The following FBXO33 variants were observed in gnomAD, a reference collection of about 807,000 sequenced individuals.
The protein encoded by FBXO33 is F-box protein 33.
A neutral mutation model predicts 46.3 loss-of-function variants in FBXO33; 22 were observed. The observed-to-expected ratio is 0.48, with a 90% CI of 0.34 to 0.68. The LOEUF (loss-of-function observed/expected upper bound fraction) is 0.68. Among genes scored for constraint, FBXO33 ranks in the 30% least tolerant of loss-of-function variants. The probability of loss-of-function intolerance (pLI) is 0.01; values close to 1 mark genes in which losing one functional copy is unlikely to be tolerated. For missense variants in FBXO33, 692 were observed against 708.8 expected (o/e 0.98, Z 0.27); for synonymous variants, 337 against 291.3 (o/e 1.16, Z -1.60).
rs2075562360 is a variant in FBXO33, at chr14:39,432,055, T to TCGCAGCTGCTGCAGCCGCAGCCGC, written c.84_107dup (p.Leu32_Arg39dup). The TCGCAGCTGCTGCAGCCGCAGCCGC allele has an allele frequency of 7.4e-6, 9 of 1,220,962 alleles. No homozygotes were observed. The highest frequency in any genetic ancestry group is 6.4e-5 in the East Asian group (2 of 31,278). The allele number at this position is 1,220,962 out of a possible 1,614,324, so 75.6% of individuals were successfully genotyped here. A position where few individuals can be genotyped will look rare whatever the true frequency, so the allele number is the denominator to read the frequency against. ...GTACCCGGAGCAGCCCCCGCAGCCG[T>TCGCAGCTGCTGCAGCCGCAGCCGC]CGCAGCTGCTGCAGCCGCAGCCGCC... is the stretch of plus-strand genomic sequence containing the variant. On this transcript the variant is annotated inframe_insertion, in exon 1 of 4. Coordinates refer to ENST00000298097, the MANE Select transcript of FBXO33 (RefSeq NM_203301.4).
chr14:39,419,022 A>G (rs76545318), intron 1 of FBXO33, among the ~76,000 whole-genome samples: 5,043 of 152,290 alleles, frequency 0.033, 288 homozygotes, highest in African/African-American at 0.11. Flanking sequence ...TGAGAGATAT[A>G]CTTTTAAAGC....
At position 39,431,561 on chromosome 14, in the gene FBXO33, T is replaced by C. The variant is rs532374326; in HGVS notation, c.599+3A>G. On this transcript the variant is annotated splice_donor_region_variant and intron_variant, in intron 1 of 3. Coordinates refer to ENST00000298097, the MANE Select transcript of FBXO33 (RefSeq NM_203301.4). ...GGCGGGGCGGGGCTCAGGGCAAGCC[T>C]ACCTGTTGTTCCGGATGCTGACCAG... The C allele has an allele frequency of 6.2e-7, 1 of 1,611,484 alleles. No homozygotes were observed. The highest frequency in any genetic ancestry group is 8.5e-7 in the Non-Finnish European group (1 of 1,179,982).
At chr14:39,401,155 A>T (rs747191251) in intron 3 of FBXO33, 21 bp downstream of exon 3, 32 of 1,550,752 alleles carry the variant, frequency 2.1e-5, no homozygotes, top group Non-Finnish European at 1.7e-6. Flanking sequence ...GTATCAGATT[A>T]CAATGAACAA....
Position 39,413,072 on chromosome 14 carries a change from T to G in FBXO33, c.600-10561A>C, listed in dbSNP as rs534147973. 1.5e-3 allele frequency among the ~76,000 whole-genome samples: 227 copies of G among 152,354 alleles called. 1 individual carries two copies. Among genetic ancestry groups the G allele is most frequent in the African/African-American group, 4.9e-3 (205 of 41,590 alleles). ...TCTGTTGACTTCCTTTCATGAAAGATTTCTCTGTAGCATGCTATGCTGCTT... is the reference window on the plus strand; with the variant it reads ...TCTGTTGACTTCCTTTCATGAAAGAGTTCTCTGTAGCATGCTATGCTGCTT... On this transcript the variant is annotated intron_variant, in intron 1 of 3. Coordinates refer to ENST00000298097, the MANE Select transcript of FBXO33 (RefSeq NM_203301.4).
At chr14:39,412,327 G>T (rs551328598) in intron 1 of FBXO33, among the ~76,000 whole-genome samples, 1 of 152,110 alleles carries the variant, frequency 6.6e-6, no homozygotes, top group Non-Finnish European at 1.5e-5. Flanking sequence ...TCTTGTGTCA[G>T]TTTTTGACTT....
At chr14:39,408,493 T>C (rs1216543632) in intron 1 of FBXO33, among the ~76,000 whole-genome samples, 3 of 151,906 alleles carry the variant, frequency 2.0e-5, no homozygotes, top group African/African-American at 7.3e-5. Context: ...TGATAGATGG[T>C]TTGCTAATAT....
At chr14:39,431,306 G>A (rs1229357659) in intron 1 of FBXO33, among the ~76,000 whole-genome samples, 2 of 152,160 alleles carry the variant, frequency 1.3e-5, no homozygotes, top group South Asian at 2.1e-4. Context: ...GCCACCAAGA[G>A]GATGAATGAG....
intron 1 of FBXO33, among the ~76,000 whole-genome samples, chr14:39,428,894 T>C (rs910523555): frequency 1.1e-4 from 16 of 152,224 alleles, no homozygotes; most frequent in Non-Finnish European, 2.9e-5. Flanking sequence ...CCCTCTGTTC[T>C]TACTATTAAT....
chr14:39,415,651 G>GTTA (rs1405926757), intron 1 of FBXO33, among the ~76,000 whole-genome samples: 1 of 152,132 alleles, frequency 6.6e-6, no homozygotes, highest in Non-Finnish European at 1.5e-5. Flanking sequence ...AATTATTGGA[G>GTTA]TTATTCTTCA....
chr14:39,406,543 G>A (rs72675488), intron 1 of FBXO33, among the ~76,000 whole-genome samples: 6,250 of 152,258 alleles, frequency 0.041, 174 homozygotes, highest in Non-Finnish European at 0.058. Flanking sequence ...AATTGCCTCC[G>A]ATTATGGTCT....
At chr14:39,402,670 T>C (rs1157764366) in intron 1 of FBXO33, among the ~76,000 whole-genome samples, 159 bp from the exon 2 acceptor site, 1 of 148,196 alleles carries the variant, frequency 6.7e-6, no homozygotes, top group African/African-American at 2.5e-5. Context: ...TTTATACATA[T>C]ATTCAGATTT....
intron 3 of FBXO33, among the ~76,000 whole-genome samples, chr14:39,400,620 T>G (rs755809697): frequency 2.0e-5 from 3 of 152,224 alleles, no homozygotes; most frequent in African/African-American, 7.2e-5. Context: ...GACATTCTTA[T>G]AGACTACTTT....
chr14:39,408,672 C>T (rs2075409331), intron 1 of FBXO33, among the ~76,000 whole-genome samples: 1 of 108,290 alleles, frequency 9.2e-6, no homozygotes, highest in Non-Finnish European at 2.3e-5. Flanking sequence ...ACCACCATGC[C>T]TATTTTTTTT....
intron 1 of FBXO33, among the ~76,000 whole-genome samples, chr14:39,407,222 T>C (rs2075403088): frequency 6.6e-6 from 1 of 152,156 alleles, no homozygotes; most frequent in Admixed American, 6.5e-5. Context: ...GAAGTATCAG[T>C]CCTATACACT....
At position 39,432,168 on chromosome 14, in the gene FBXO33, A is replaced by T; in HGVS notation, c.-6T>A. 11 of 1,230,490 alleles carry T rather than the reference A, an allele frequency of 8.9e-6. No homozygotes were observed. Among genetic ancestry groups the T allele is most frequent in the African/African-American group, 1.6e-5 (1 of 64,218 alleles). 76.2% of individuals were successfully genotyped at this position (1,230,490 alleles called of 1,614,324 possible). Reference sequence around the variant, plus strand: ...ACTGACAAGAACAACAACATCAATGACTAGGAAGAAGGGGGCGGAACCGTC... The same window carrying T: ...ACTGACAAGAACAACAACATCAATGTCTAGGAAGAAGGGGGCGGAACCGTC... On this transcript the variant is annotated 5_prime_UTR_variant, in exon 1 of 4. Transcript: ENST00000298097.
At chr14:39,421,842 C>A (rs2075486500) in intron 1 of FBXO33, among the ~76,000 whole-genome samples, 1 of 149,902 alleles carries the variant, frequency 6.7e-6, no homozygotes, top group South Asian at 2.1e-4. Flanking sequence ...GTAAGAATAA[C>A]CAAAAAGGGG....
chr14:39,403,865 G>T (rs2075380361), intron 1 of FBXO33, among the ~76,000 whole-genome samples: 1 of 149,598 alleles, frequency 6.7e-6, no homozygotes, highest in Non-Finnish European at 1.5e-5. Flanking sequence ...GCAGTGGTAT[G>T]ATCACGGCTC....
chr14:39,408,044 G>A (rs2075406947), intron 1 of FBXO33, among the ~76,000 whole-genome samples: 1 of 151,984 alleles, frequency 6.6e-6, no homozygotes, highest in Admixed American at 6.5e-5. Flanking sequence ...AGGCTCAGGC[G>A]ATTCTCTCAC....
chr14:39,401,304 G>C lies in FBXO33; in HGVS notation c.1268C>G (p.Thr423Ser). Reference sequence around the variant, plus strand: ...CACATCATTCATTAAAATAAAATGAGTGAGGAACTTGTCATATTGCCTGGA... The same window carrying C: ...CACATCATTCATTAAAATAAAATGACTGAGGAACTTGTCATATTGCCTGGA... ...LISRQYDKFL[T>S]HFILMNDVID... The change falls in exon 3 of 4, where the codon ACT becomes AGT. Residue 423 changes from threonine to serine, a missense_variant. By Grantham distance (58) the Thr-to-Ser change is moderately conservative. Around this residue, in one of 3 missense-constraint regions of FBXO33, gnomAD observed 186 missense variants for 246.1 expected, o/e 0.76. Transcript: ENST00000298097. 3 of 1,614,040 alleles carry C rather than the reference G, an allele frequency of 1.9e-6. No individual in the cohort carries two copies. The highest frequency in any genetic ancestry group is 1.7e-6 in the Non-Finnish European group (2 of 1,179,950).
Sources: gnomAD v4.1 joint callset for allele counts (sites outside exome capture counted in the v4.1 genomes callset) on GRCh38, gnomAD v4.1.1 for gene constraint, gnomAD v4.1.1 regional missense constraint, MANE v1.5 for transcripts, NCBI Gene and HGNC (gene_info 2026-07-23, HGNC 2026-07-21) for gene names.